Variants in MAPK10 observed in about 807,000 individuals in gnomAD.
MAPK10 encodes the protein JNK3 alpha protein kinase.
Under a neutral mutation model 59.3 loss-of-function variants are expected in MAPK10, and 25 were observed. The observed-to-expected ratio is 0.42, with a 90% CI of 0.31 to 0.59. The LOEUF is 0.59. Among genes scored for constraint, MAPK10 ranks in the 20% least tolerant of loss-of-function variants. The probability of loss-of-function intolerance (pLI) is 0.15; values close to 1 mark genes in which losing one functional copy is unlikely to be tolerated. For synonymous variants in MAPK10, 190 were observed against 200.5 expected, an observed-to-expected ratio of 0.95 and a Z score of 0.44; for missense variants, 351 against 568.9, an observed-to-expected ratio of 0.62 and a Z score of 3.90.
chr4:86,136,922 T>G (rs1414107395), intron 4 of MAPK10, among the ~76,000 whole-genome samples: 1 of 151,962 alleles, frequency 6.6e-6, no homozygotes, highest in Non-Finnish European at 1.5e-5. Context: ...CCAACAAAGA[T>G]GAAAAGAGAC....
chr4:86,479,563 C>G (rs1753413941), intron 1 of MAPK10, among the ~76,000 whole-genome samples: 1 of 151,978 alleles, frequency 6.6e-6, no homozygotes, highest in Non-Finnish European at 1.5e-5. Flanking sequence ...ATGCCCTGCT[C>G]TTATTTACAC....
At chr4:86,314,962 A>G (rs1057332096) in intron 2 of MAPK10, among the ~76,000 whole-genome samples, 5 of 151,922 alleles carry the variant, frequency 3.3e-5, no homozygotes, top group African/African-American at 1.2e-4. Context: ...CCTATCCCTT[A>G]TTAATGAACA....
At chr4:86,092,649 G>A (rs1261394787) in intron 9 of MAPK10, among the ~76,000 whole-genome samples, 1 of 151,642 alleles carries the variant, frequency 6.6e-6, no homozygotes, top group African/African-American at 2.4e-5. Context: ...TGCTAATGAA[G>A]TTAAGAATAG....
At chr4:86,377,061 C>A (rs1564759914) in intron 1 of MAPK10, among the ~76,000 whole-genome samples, 1 of 152,190 alleles carries the variant, frequency 6.6e-6, no homozygotes, top group Non-Finnish European at 1.5e-5. Context: ...ATAAGTAAAG[C>A]CCTCAGGCTC....
intron 1 of MAPK10, among the ~76,000 whole-genome samples, chr4:86,389,914 A>G (rs1333126271): frequency 1.3e-5 from 2 of 150,078 alleles, no homozygotes; most frequent in Admixed American, 6.7e-5. Context: ...TCATGTTGAA[A>G]GAACCTCCCT....
chr4:86,305,743 C>T (rs567437477), intron 2 of MAPK10, among the ~76,000 whole-genome samples: 2 of 149,410 alleles, frequency 1.3e-5, no homozygotes, highest in East Asian at 2.0e-4. Flanking sequence ...CACTTGAACC[C>T]GGGAGGCGGA....
chr4:86,035,962 G>T (rs1205560761), intron 11 of MAPK10, among the ~76,000 whole-genome samples: 1 of 152,138 alleles, frequency 6.6e-6, no homozygotes, highest in Non-Finnish European at 1.5e-5. Flanking sequence ...GAAGATATGT[G>T]GGTATAGAGA....
chr4:86,491,396 G>A (rs899308853), intron 1 of MAPK10, among the ~76,000 whole-genome samples: 6 of 152,180 alleles, frequency 3.9e-5, no homozygotes, highest in Non-Finnish European at 5.9e-5. Context: ...CGCTCCCTTT[G>A]CCATTGCAGT....
intron 2 of MAPK10, among the ~76,000 whole-genome samples, chr4:86,234,867 A>G (rs1312888215): frequency 6.6e-6 from 1 of 152,164 alleles, no homozygotes; most frequent in Non-Finnish European, 1.5e-5. Flanking sequence ...CTTTGTAAGG[A>G]AAGTTTTCTG....
At chr4:86,137,832 A>C (rs1369919854) in intron 4 of MAPK10, among the ~76,000 whole-genome samples, 1 of 150,142 alleles carries the variant, frequency 6.7e-6, no homozygotes, top group African/African-American at 2.5e-5. Flanking sequence ...AATAGACACA[A>C]TAAAAAATGA....
intron 2 of MAPK10, among the ~76,000 whole-genome samples, chr4:86,291,542 T>C (rs2095227606): frequency 6.6e-6 from 1 of 152,226 alleles, no homozygotes; most frequent in African/African-American, 2.4e-5. Context: ...TATACACATT[T>C]TTTTAAAGAA....
intron 3 of MAPK10, among the ~76,000 whole-genome samples, chr4:86,160,723 T>C (rs2069328632): frequency 6.6e-6 from 1 of 151,980 alleles, no homozygotes; most frequent in Admixed American, 6.6e-5. Context: ...CTGCCTATAA[T>C]GTTCTGAGTC....
intron 10 of MAPK10, among the ~76,000 whole-genome samples, chr4:86,066,597 T>C (rs1235552842): frequency 6.6e-6 from 1 of 151,804 alleles, no homozygotes; most frequent in Non-Finnish European, 1.5e-5. Flanking sequence ...AAACCCCATC[T>C]CTACTAAAAA....
intron 1 of MAPK10, among the ~76,000 whole-genome samples, chr4:86,507,925 GA>G (rs1175365297): frequency 1.9e-4 from 27 of 144,928 alleles, no homozygotes; most frequent in Admixed American, 3.4e-4. Flanking sequence ...ATACCAAAAA[GA>G]AAAAAAAAAT....
chr4:86,353,351 C>G (rs971256577), intron 2 of MAPK10, among the ~76,000 whole-genome samples: 10 of 152,138 alleles, frequency 6.6e-5, no homozygotes, highest in Admixed American at 1.3e-4. Context: ...ATCACAGATT[C>G]TCAATAAGAG....
At chr4:86,285,763 T>G (rs965355904) in intron 2 of MAPK10, among the ~76,000 whole-genome samples, 1 of 152,198 alleles carries the variant, frequency 6.6e-6, no homozygotes, top group Non-Finnish European at 1.5e-5. Context: ...AGTCCCATGA[T>G]CTGCCTTCTG....
At chr4:86,204,469 A>G (rs1236964155) in intron 2 of MAPK10, among the ~76,000 whole-genome samples, 1 of 152,014 alleles carries the variant, frequency 6.6e-6, no homozygotes, top group African/African-American at 2.4e-5. Context: ...ATCACCAATG[A>G]GAGAAAGGGA....
intron 1 of MAPK10, among the ~76,000 whole-genome samples, chr4:86,536,986 G>A (rs766460591): frequency 3.9e-5 from 6 of 152,120 alleles, no homozygotes; most frequent in African/African-American, 1.4e-4. Context: ...ATCTGCATAG[G>A]AGAAGGCCTA....
rs149421583 is a variant in MAPK10 at position 86,412,832 on chromosome 4, G to C, written c.-122+40198C>G. 4.4e-3 allele frequency among the ~76,000 whole-genome samples: 670 copies of C among 152,172 alleles called. 4 individuals carry two copies. The highest frequency in any genetic ancestry group is 0.015 in the African/African-American group (632 of 41,532). On this transcript the variant is annotated intron_variant, in intron 1 of 13. Coordinates refer to the MAPK10 transcript ENST00000361569. ...TTTCTTCAAGGTTTTTAGCTTCCTT[G>C]CGATGGGTTAGAACATGCTCCTTTA...
Sources: gnomAD v4.1 joint callset for allele counts (sites outside exome capture counted in the v4.1 genomes callset) on GRCh38, gnomAD v4.1.1 for gene constraint, MANE v1.5 for transcripts, NCBI Gene and HGNC (gene_info 2026-07-23, HGNC 2026-07-21) for gene names.